FGF12: variants seen among roughly 807,000 people sequenced by gnomAD.
FGF12 encodes the protein fibroblast growth factor 12B.
A neutral mutation model predicts 23.6 loss-of-function variants in FGF12; 14 were observed. The observed-to-expected ratio is 0.59, with a 90% CI of 0.39 to 0.93. The LOEUF (loss-of-function observed/expected upper bound fraction) is 0.93. Among genes scored for constraint, FGF12 ranks in the 40% least tolerant of loss-of-function variants. The pLI is 0.00. For synonymous variants in FGF12, 62 were observed against 77.3 expected (o/e 0.80, Z 1.04); for missense variants, 175 against 217.8 (o/e 0.80, Z 1.24).
intron 4 of FGF12, among the ~76,000 whole-genome samples, chr3:192,242,285 G>A (rs1336723362): frequency 6.6e-6 from 1 of 152,158 alleles, no homozygotes; most frequent in Non-Finnish European, 1.5e-5. Context: ...GGTACTTAAG[G>A]AAGATAATTT....
chr3:192,442,014 T>A (rs1388416316), intron 2 of FGF12, among the ~76,000 whole-genome samples: 4 of 152,164 alleles, frequency 2.6e-5, no homozygotes, highest in African/African-American at 9.7e-5. Flanking sequence ...TTTAGAAGCC[T>A]AATTTTGATT....
chr3:192,330,471 AG>A (rs1717050217), intron 4 of FGF12, among the ~76,000 whole-genome samples: 1 of 152,192 alleles, frequency 6.6e-6, no homozygotes, highest in African/African-American at 2.4e-5. Flanking sequence ...CAATGGAGAA[AG>A]GTTAGCCTCT....
intron 2 of FGF12, among the ~76,000 whole-genome samples, chr3:192,693,242 T>A (rs1002841839): frequency 2.6e-5 from 4 of 151,968 alleles, no homozygotes; most frequent in African/African-American, 9.7e-5. Context: ...AGGTGAAAGA[T>A]CTGTATACTG....
rs551298711 is a variant in FGF12 at position 192,210,808 on chromosome 3, G to A, written c.229-40152C>T. On this transcript the variant is annotated intron_variant, in intron 4 of 5. Transcript: ENST00000445105. ...ATGAGTGCTATTAGAATATAAATGG[G>A]GGTAAGGTGTTGTGAGAAAGAATGT... Among the ~76,000 whole-genome samples the A allele has an allele frequency of 2.0e-5, 3 of 152,266 alleles. No individual in the cohort carries two copies. In the East Asian group the frequency reaches 5.8e-4, roughly 29 times the overall value.
intron 2 of FGF12, among the ~76,000 whole-genome samples, chr3:192,601,235 A>C (rs1260930312): frequency 6.6e-6 from 1 of 152,138 alleles, no homozygotes; most frequent in African/African-American, 2.4e-5. Flanking sequence ...AGAAGCTGAA[A>C]AAGTTGATCT....
At chr3:192,300,119 C>T (rs1174556447) in intron 4 of FGF12, among the ~76,000 whole-genome samples, 2 of 152,196 alleles carry the variant, frequency 1.3e-5, no homozygotes, top group Non-Finnish European at 2.9e-5. Context: ...CCTTCTGCCA[C>T]CCCTAGGGCA....
At chr3:192,497,225 A>C (rs1243628774) in intron 2 of FGF12, among the ~76,000 whole-genome samples, 1 of 152,208 alleles carries the variant, frequency 6.6e-6, no homozygotes, top group Non-Finnish European at 1.5e-5. Flanking sequence ...CTCGTTGCTC[A>C]GGACTGATTA....
intron 2 of FGF12, among the ~76,000 whole-genome samples, chr3:192,694,639 CAT>C (rs1475653247): frequency 6.6e-6 from 1 of 151,342 alleles, no homozygotes; most frequent in South Asian, 2.1e-4. Context: ...CGTATACGTA[CAT>C]ATATATACAT....
intron 4 of FGF12, among the ~76,000 whole-genome samples, chr3:192,284,932 A>G (rs1450875984): frequency 6.6e-6 from 1 of 152,034 alleles, no homozygotes; most frequent in Non-Finnish European, 1.5e-5. Context: ...GAAGTTATGA[A>G]TGTTACTGGG....
At chr3:192,491,516 C>G (rs9811188) in intron 2 of FGF12, among the ~76,000 whole-genome samples, 172 of 152,200 alleles carry the variant, frequency 1.1e-3, no homozygotes, top group African/African-American at 4.0e-3. Flanking sequence ...AACTTATTTA[C>G]AAGCCTTCAC....
chr3:192,623,207 G>T (rs1715039054), intron 2 of FGF12, among the ~76,000 whole-genome samples: 2 of 152,176 alleles, frequency 1.3e-5, no homozygotes, highest in South Asian at 4.1e-4. Flanking sequence ...TAATAACAAG[G>T]CAAAAGTGAA....
chr3:192,168,603 C>T (rs529951290), intron 5 of FGF12, among the ~76,000 whole-genome samples: 31 of 152,364 alleles, frequency 2.0e-4, no homozygotes, highest in African/African-American at 7.5e-4. Flanking sequence ...TGTCACACCT[C>T]TAAGAATATC....
At chr3:192,434,227 T>C (rs1576979001) in intron 2 of FGF12, among the ~76,000 whole-genome samples, 2 of 152,140 alleles carry the variant, frequency 1.3e-5, no homozygotes, top group East Asian at 1.9e-4. Context: ...GAAGGGGCTG[T>C]GCAAGTGAGG....
intron 2 of FGF12, among the ~76,000 whole-genome samples, chr3:192,585,429 C>A (rs988198002): frequency 6.6e-6 from 1 of 152,072 alleles, no homozygotes; most frequent in Non-Finnish European, 1.5e-5. Flanking sequence ...GAGATCATAT[C>A]CAACACTTAG....
At chr3:192,675,184 T>C (rs1362989171) in intron 2 of FGF12, among the ~76,000 whole-genome samples, 1 of 152,068 alleles carries the variant, frequency 6.6e-6, no homozygotes, top group African/African-American at 2.4e-5. Flanking sequence ...TGGCTAGACC[T>C]GGATGGTCCC....
chr3:192,636,693 G>C (rs1248705270), intron 2 of FGF12, among the ~76,000 whole-genome samples: 1 of 152,216 alleles, frequency 6.6e-6, no homozygotes, highest in Non-Finnish European at 1.5e-5. Context: ...TCTGTGCCAT[G>C]AGGTAACCTA....
At chr3:192,714,632 C>T (rs1718805627) in intron 2 of FGF12, among the ~76,000 whole-genome samples, 1 of 150,078 alleles carries the variant, frequency 6.7e-6, no homozygotes, top group Non-Finnish European at 1.5e-5. Context: ...CATTCTCCTG[C>T]CTCAGCCTCC....
At chr3:192,181,639 T>C (rs1040772940) in intron 4 of FGF12, among the ~76,000 whole-genome samples, 6 of 151,502 alleles carry the variant, frequency 4.0e-5, no homozygotes, top group Non-Finnish European at 7.4e-5. Context: ...GTTTTTTTTT[T>C]TTTTTTTTGA....
chr3:192,594,020 G>C (rs1426179977), intron 2 of FGF12, among the ~76,000 whole-genome samples: 2 of 151,918 alleles, frequency 1.3e-5, no homozygotes, highest in Non-Finnish European at 2.9e-5. Context: ...TTGTCGGTTA[G>C]AGTAAAGTTA....
Sources: allele counts gnomAD v4.1 joint callset (sites outside exome capture counted in the v4.1 genomes callset), GRCh38; gene constraint gnomAD v4.1.1; transcripts MANE v1.5; gene names NCBI Gene and HGNC (gene_info 2026-07-23, HGNC 2026-07-21).